The following UFSP2 variants were observed in gnomAD, a reference collection of about 807,000 sequenced individuals.
UFSP2 encodes UFM1 specific peptidase 2, also known as ufm1-specific protease 2.
Under a neutral mutation model 60.2 loss-of-function variants are expected in UFSP2, and 43 were observed. That is an observed-to-expected ratio of 0.71 (90% CI 0.56 to 0.92). UFSP2 has a LOEUF of 0.92. Ranked by LOEUF, UFSP2 falls within the 40% of genes least tolerant of loss-of-function variation. The pLI is 0.00. For synonymous variants in UFSP2, 183 were observed against 195.1 expected (o/e 0.94, Z 0.52); for missense variants, 520 against 575.0 (o/e 0.90, Z 0.98).
chr4:185,403,664 G>A, intron 10 of UFSP2, 46 bp from the exon 11 acceptor site: 1 of 1,593,694 alleles, frequency 6.3e-7, no homozygotes, highest in Non-Finnish European at 8.5e-7. Context: ...ATAAACAAAT[G>A]TCAAATGCCT....
intron 7 of UFSP2, among the ~76,000 whole-genome samples, chr4:185,412,151 A>G (rs976742003): frequency 1.3e-5 from 2 of 152,232 alleles, no homozygotes; most frequent in Non-Finnish European, 2.9e-5. Context: ...TTATATGTAC[A>G]TATCAAATAT....
At chr4:185,417,244 G>C (rs1259170615) in intron 4 of UFSP2, among the ~76,000 whole-genome samples, 1 of 152,142 alleles carries the variant, frequency 6.6e-6, no homozygotes, top group Non-Finnish European at 1.5e-5. Context: ...TCCAAAAGGA[G>C]GGACAGTCTT....
intron 9 of UFSP2, among the ~76,000 whole-genome samples, chr4:185,407,009 T>C (rs1270912028): frequency 2.9e-5 from 4 of 138,688 alleles, no homozygotes; most frequent in Non-Finnish European, 6.1e-5. Flanking sequence ...ATTTGTTTTT[T>C]GGCTTTTCTT....
At chr4:185,419,992 T>C (rs2095546474) in intron 2 of UFSP2, among the ~76,000 whole-genome samples, 1 of 152,254 alleles carries the variant, frequency 6.6e-6, no homozygotes, top group Non-Finnish European at 1.5e-5. Context: ...ACTGCCAAGC[T>C]GTTTTCAGCA....
intron 1 of UFSP2, among the ~76,000 whole-genome samples, chr4:185,423,211 TG>T (rs1226847837): frequency 6.6e-6 from 1 of 152,228 alleles, no homozygotes; most frequent in Non-Finnish European, 1.5e-5. Flanking sequence ...GATTCTAATG[TG>T]AATGGTTGAG....
chr4:185,411,252 AAACT>A (rs1435140739), intron 7 of UFSP2, among the ~76,000 whole-genome samples: 6 of 152,038 alleles, frequency 3.9e-5, no homozygotes, highest in Non-Finnish European at 7.4e-5. Flanking sequence ...GCTGTTACCA[AAACT>A]AAATTGGTTA....
intron 5 of UFSP2, 22 bp from the exon 6 acceptor site, chr4:185,415,369 T>C (rs1360338667): frequency 1.3e-6 from 2 of 1,534,628 alleles, no homozygotes; most frequent in Non-Finnish European, 8.7e-7. Context: ...AATATATAAG[T>C]GTATTAACAA....
chr4:185,422,631 G>T (rs759041270), intron 1 of UFSP2, 68 bp from the exon 2 acceptor site: 23 of 1,056,520 alleles, frequency 2.2e-5, no homozygotes, highest in Non-Finnish European at 3.2e-5. Flanking sequence ...ATATAAATTA[G>T]AATCTAAGTT....
In UFSP2 at chr4:185,415,175, G is replaced by A; in HGVS notation, c.664C>T (p.Gln222Ter). ...ISYPSGIPDG[Q>*]LQAYRKELHD... ...TTTACCTTCCTATAGGCCTGCAGCT[G>A]GCCATCTGGTATTCCTGAAGGATAT... Residue 222 changes from glutamine to a stop codon, truncating the protein, a stop_gained, in exon 6 of 12, where the codon CAG becomes TAG. Transcript: ENST00000264689. LOFTEE classifies it high-confidence loss of function. 1 of 1,599,742 alleles carries A rather than the reference G, an allele frequency of 6.3e-7. No homozygotes were observed. The highest frequency in any genetic ancestry group is 8.5e-7 in the Non-Finnish European group (1 of 1,176,756).
intron 10 of UFSP2, among the ~76,000 whole-genome samples, chr4:185,404,449 G>T (rs1009492192): frequency 3.3e-5 from 5 of 151,472 alleles, no homozygotes; most frequent in African/African-American, 9.7e-5. Flanking sequence ...GCGCACACCA[G>T]CACACCCAGC....
intron 7 of UFSP2, among the ~76,000 whole-genome samples, chr4:185,412,938 T>C (rs1428713364): frequency 6.6e-6 from 1 of 152,152 alleles, no homozygotes; most frequent in African/African-American, 2.4e-5. Flanking sequence ...TTATTTGAGC[T>C]ACCTTTAGGG....
At chr4:185,407,438 A>G (rs530330136) in intron 9 of UFSP2, among the ~76,000 whole-genome samples, 2 of 152,282 alleles carry the variant, frequency 1.3e-5, no homozygotes, top group East Asian at 1.9e-4. Flanking sequence ...ATATTTTCTC[A>G]TTTTAATATT....
intron 4 of UFSP2, among the ~76,000 whole-genome samples, chr4:185,417,670 A>G (rs1217496794): frequency 6.6e-6 from 1 of 152,170 alleles, no homozygotes; most frequent in Non-Finnish European, 1.5e-5. Context: ...CGTGCCTTGA[A>G]GACGCATCTC....
intron 7 of UFSP2, among the ~76,000 whole-genome samples, chr4:185,409,234 A>G (rs914789062): frequency 2.0e-5 from 3 of 152,218 alleles, no homozygotes; most frequent in African/African-American, 7.2e-5. Flanking sequence ...CAGCCCAAGT[A>G]TGTTATTTGA....
intron 2 of UFSP2, 103 bp downstream of exon 2, chr4:185,422,382 A>T: frequency 1.2e-6 from 1 of 836,040 alleles, no homozygotes; most frequent in Non-Finnish European, 1.9e-6. Context: ...ATATAATCTT[A>T]GTTCATCCTA....
At chr4:185,405,903 G>C (rs764503305) in intron 9 of UFSP2, 47 bp from the exon 10 acceptor site, 1 of 1,613,070 alleles carries the variant, frequency 6.2e-7, no homozygotes, top group Non-Finnish European at 8.5e-7. Context: ...CCAACACTAC[G>C]GTCAAATAAT....
At chr4:185,416,235 A>G (rs2095538452) in intron 4 of UFSP2, 1 of 157,776 alleles carries the variant, frequency 6.3e-6, no homozygotes, top group South Asian at 2.0e-4. Flanking sequence ...CAGACTGGCC[A>G]TGAATAAACG....
chr4:185,415,354 G>A lies in UFSP2; in HGVS notation c.492-7C>T, dbSNP rs777101174. 7.7e-6 allele frequency: 12 copies of A among 1,564,016 alleles called. No homozygotes were observed. The highest frequency in any genetic ancestry group is 3.7e-5 in the South Asian group (3 of 82,138). ...AACCAGGAGTTTACGAACTCTGTGG[G>A]GGGAAATATATAAGTGTATTAACAA... On this transcript the variant is annotated splice_polypyrimidine_tract_variant and splice_region_variant and intron_variant, in intron 5 of 11. Transcript: ENST00000264689.
intron 2 of UFSP2, among the ~76,000 whole-genome samples, chr4:185,421,482 C>A (rs1293928194): frequency 1.3e-5 from 2 of 152,154 alleles, no homozygotes; most frequent in African/African-American, 4.8e-5. Flanking sequence ...CCTATCAGTT[C>A]ACAAAAGAGC....
Sources: gnomAD v4.1 joint callset for allele counts (sites outside exome capture counted in the v4.1 genomes callset) on GRCh38, gnomAD v4.1.1 for gene constraint, MANE v1.5 for transcripts, NCBI Gene and HGNC (gene_info 2026-07-23, HGNC 2026-07-21) for gene names.